The following FGF1 variants were observed in gnomAD, a reference collection of about 807,000 sequenced individuals.
FGF1 encodes fibroblast growth factor 1.
In FGF1, 9 loss-of-function variants were observed where a neutral mutation model predicts 13.4. That is an observed-to-expected ratio of 0.67 (90% CI 0.40 to 1.17). FGF1 has a LOEUF of 1.17. Ranked by LOEUF, FGF1 falls within the 50% of genes most tolerant of loss-of-function variation. The pLI, the probability that FGF1 is intolerant of heterozygous loss-of-function variation, is 0.01. For synonymous variants in FGF1, 93 were observed against 79.0 expected (o/e 1.18, Z -0.94); for missense variants, 156 against 192.7 (o/e 0.81, Z 1.13).
At chr5:142,609,307 C>T (rs529209193) in intron 2 of FGF1, among the ~76,000 whole-genome samples, 11 of 152,192 alleles carry the variant, frequency 7.2e-5, no homozygotes, top group South Asian at 2.1e-4. Context: ...CTGCTCCCCA[C>T]GTAGTCTCTT....
chr5:142,689,901 C>G (rs181459856), upstream of FGF1, among the ~76,000 whole-genome samples: 811 of 150,324 alleles, frequency 5.4e-3, 7 homozygotes, highest in African/African-American at 0.019. Flanking sequence ...CAGGGTTTCA[C>G]CGTGTTAGCC....
intron 1 of FGF1, among the ~76,000 whole-genome samples, chr5:142,668,674 G>C (rs1770895905): frequency 6.6e-6 from 1 of 152,156 alleles, no homozygotes; most frequent in Non-Finnish European, 1.5e-5. Flanking sequence ...TTTGTCAAAA[G>C]GTTGCAACAA....
chr5:142,641,685 C>T (rs556163098), intron 1 of FGF1, among the ~76,000 whole-genome samples: 3 of 152,040 alleles, frequency 2.0e-5, no homozygotes, highest in South Asian at 4.2e-4. Context: ...GCAGCACCAC[C>T]GTATAAACAG....
chr5:142,664,057 G>A (rs1044483765), intron 1 of FGF1, among the ~76,000 whole-genome samples: 1 of 152,196 alleles, frequency 6.6e-6, no homozygotes, highest in Non-Finnish European at 1.5e-5. Flanking sequence ...GGGTCCTGCT[G>A]AAGGGGTCAC....
At chr5:142,682,284 G>A (rs1237641122) in intron 1 of FGF1, among the ~76,000 whole-genome samples, 4 of 152,042 alleles carry the variant, frequency 2.6e-5, no homozygotes, top group African/African-American at 4.8e-5. Flanking sequence ...GGGTTTCACC[G>A]TGTTGGCCAG....
At chr5:142,612,592 T>C (rs1759305294) in intron 2 of FGF1, among the ~76,000 whole-genome samples, 1 of 151,978 alleles carries the variant, frequency 6.6e-6, no homozygotes, top group Non-Finnish European at 1.5e-5. Flanking sequence ...ATATTGCTTA[T>C]GTATGCTATT....
At chr5:142,630,236 AGCAAG>A (rs1437459391) in intron 1 of FGF1, among the ~76,000 whole-genome samples, 13 of 152,054 alleles carry the variant, frequency 8.5e-5, no homozygotes, top group Non-Finnish European at 1.0e-4. Flanking sequence ...TTTTACCCAA[AGCAAG>A]TGCCTCCCAC....
intron 1 of FGF1, among the ~76,000 whole-genome samples, chr5:142,653,430 C>T (rs1767611309): frequency 6.6e-6 from 1 of 152,194 alleles, no homozygotes; most frequent in Non-Finnish European, 1.5e-5. Context: ...CCAGATGCTA[C>T]ATGGGGTCCA....
intron 2 of FGF1, among the ~76,000 whole-genome samples, chr5:142,694,173 C>G (rs1342001717): frequency 1.3e-5 from 2 of 151,548 alleles, no homozygotes; most frequent in Non-Finnish European, 2.9e-5. Flanking sequence ...GTATTCCCCC[C>G]CACCCTGCCC....
Position 142,594,888 on chromosome 5 carries a change from T to C in FGF1, c.*402A>G, listed in dbSNP as rs139893411. ...GCACAGGAAGGACAAAAGGGAGCCATGCCAGATGTTTGGGGGAATCACAGA... is the reference window on the plus strand; with the variant it reads ...GCACAGGAAGGACAAAAGGGAGCCACGCCAGATGTTTGGGGGAATCACAGA... On this transcript the variant is annotated 3_prime_UTR_variant, in exon 4 of 4. Coordinates refer to ENST00000337706, the MANE Select transcript of FGF1 (RefSeq NM_000800.5). The C allele has an allele frequency of 6.3e-6, 1 of 158,730 alleles. No homozygotes were observed. The highest frequency in any genetic ancestry group is 2.0e-4 in the South Asian group (1 of 5,038). The allele number at this position is 158,730 out of a possible 1,614,324, so 9.8% of individuals were successfully genotyped here. A position where few individuals can be genotyped will look rare whatever the true frequency, so the allele number is the denominator to read the frequency against.
chr5:142,657,869 A>G (rs1768455251), intron 1 of FGF1, among the ~76,000 whole-genome samples: 1 of 151,448 alleles, frequency 6.6e-6, no homozygotes, highest in South Asian at 2.1e-4. Context: ...GCCTTTCACC[A>G]CCTTTTGGAG....
chr5:142,627,962 C>G (rs370151811), intron 1 of FGF1, among the ~76,000 whole-genome samples: 1 of 152,248 alleles, frequency 6.6e-6, no homozygotes, highest in Non-Finnish European at 1.5e-5. Flanking sequence ...CTCTCATGGT[C>G]CTGTGACCAC....
intron 1 of FGF1, among the ~76,000 whole-genome samples, chr5:142,671,515 T>A (rs1485372518): frequency 6.6e-6 from 1 of 152,256 alleles, no homozygotes; most frequent in Non-Finnish European, 1.5e-5. Flanking sequence ...ATTATTCAAA[T>A]GTTTTCTAAT....
chr5:142,596,625 CTCCTAGCTA>C (rs887086802), intron 3 of FGF1, among the ~76,000 whole-genome samples: 1 of 150,858 alleles, frequency 6.6e-6, no homozygotes, highest in Non-Finnish European at 1.5e-5. Context: ...TGTGCCTGTC[CTCCTAGCTA>C]CTTAGGAGGC....
At chr5:142,697,345 A>G (rs1054855875) in intron 2 of FGF1, among the ~76,000 whole-genome samples, 44 of 152,206 alleles carry the variant, frequency 2.9e-4, no homozygotes, top group Non-Finnish European at 2.6e-4. Flanking sequence ...ATCTCAGCAA[A>G]GATAATTCAC....
chr5:142,658,678 A>C (rs1322099597), intron 1 of FGF1, among the ~76,000 whole-genome samples: 4 of 152,212 alleles, frequency 2.6e-5, no homozygotes, highest in Non-Finnish European at 5.9e-5. Flanking sequence ...GTTTTGGAGG[A>C]TATTTCCTTC....
At chr5:142,669,927 A>G (rs1483759111) in intron 1 of FGF1, among the ~76,000 whole-genome samples, 1 of 152,140 alleles carries the variant, frequency 6.6e-6, no homozygotes, top group Non-Finnish European at 1.5e-5. Flanking sequence ...GAGAAGAGGC[A>G]CAGTCAGGAG....
At chr5:142,631,622 T>C (rs1264833786) in intron 1 of FGF1, among the ~76,000 whole-genome samples, 2 of 152,184 alleles carry the variant, frequency 1.3e-5, no homozygotes, top group Non-Finnish European at 1.5e-5. Context: ...AATCAAGACC[T>C]GGGGGAACTA....
chr5:142,619,704 A>ATG (rs1561575603), intron 1 of FGF1, among the ~76,000 whole-genome samples: 2 of 151,918 alleles, frequency 1.3e-5, no homozygotes, highest in Non-Finnish European at 1.5e-5. Context: ...ATGGTGGCGC[A>ATG]TGCCTGTAAT....
Sources: allele counts gnomAD v4.1 joint callset (sites outside exome capture counted in the v4.1 genomes callset), GRCh38; gene constraint gnomAD v4.1.1; transcripts MANE v1.5; gene names NCBI Gene and HGNC (gene_info 2026-07-23, HGNC 2026-07-21).